TRHDE: variants seen among roughly 807,000 people sequenced by gnomAD.
TRHDE encodes thyrotropin-releasing hormone-degrading ectoenzyme.
In TRHDE, 72 loss-of-function variants were observed where a neutral mutation model predicts 125.7. The ratio of observed to expected loss-of-function variants is 0.57; its 90% CI spans 0.47 to 0.70. The LOEUF (loss-of-function observed/expected upper bound fraction) is 0.70. Ranked by LOEUF, TRHDE falls within the 30% of genes least tolerant of loss-of-function variation. The probability of loss-of-function intolerance (pLI) is 0.00; values close to 1 mark genes in which losing one functional copy is unlikely to be tolerated. For synonymous variants in TRHDE, 509 were observed against 509.1 expected, an observed-to-expected ratio of 1.00 and a Z score of 0.00; for missense variants, 1,110 against 1,327.1, an observed-to-expected ratio of 0.84 and a Z score of 2.54.
At chr12:72,610,927 C>T (rs1872610796) in intron 12 of TRHDE, 1 of 152,818 alleles carries the variant, frequency 6.5e-6, no homozygotes, top group East Asian at 1.9e-4. Context: ...AGGTAAAGAA[C>T]TGGACCAACC....
intron 10 of TRHDE, among the ~76,000 whole-genome samples, chr12:72,569,111 G>C (rs538820182): frequency 2.6e-4 from 39 of 152,210 alleles, no homozygotes; most frequent in African/African-American, 9.4e-4. Flanking sequence ...GCCAGAAGGT[G>C]GGGGGCTTGG....
intron 13 of TRHDE, among the ~76,000 whole-genome samples, 155 bp from the exon 14 acceptor site, chr12:72,620,948 TAAATA>T (rs1424936994): frequency 6.6e-6 from 1 of 152,096 alleles, no homozygotes; most frequent in Admixed American, 6.6e-5. Flanking sequence ...AATACTAAAT[TAAATA>T]AAATTATAAT....
At chr12:72,340,073 C>A (rs1467100344) in intron 2 of TRHDE, among the ~76,000 whole-genome samples, 3 of 152,196 alleles carry the variant, frequency 2.0e-5, no homozygotes, top group African/African-American at 7.2e-5. Context: ...CCAGTCCTAC[C>A]TTCCCCACTT....
At chr12:72,414,821 A>G (rs773145185) in intron 3 of TRHDE, among the ~76,000 whole-genome samples, 2 of 152,158 alleles carry the variant, frequency 1.3e-5, no homozygotes, top group Non-Finnish European at 2.9e-5. Context: ...CTCTTTACAT[A>G]CATTAAACCA....
chr12:72,140,585 A>T (rs1876089906), intron 2 of TRHDE: 1 of 152,164 alleles, frequency 6.6e-6, no homozygotes, highest in South Asian at 2.1e-4. Flanking sequence ...ATCTCTTCAA[A>T]TATTTTACAG....
intron 2 of TRHDE, among the ~76,000 whole-genome samples, chr12:72,252,011 T>C (rs1416920183): frequency 6.6e-6 from 1 of 152,236 alleles, no homozygotes; most frequent in South Asian, 2.1e-4. Context: ...CAACTGAGTA[T>C]TGAAAATTCT....
intron 6 of TRHDE, among the ~76,000 whole-genome samples, chr12:72,530,459 G>T (rs1868490517): frequency 3.0e-5 from 3 of 100,456 alleles, no homozygotes; most frequent in Non-Finnish European, 3.7e-5. Flanking sequence ...CAGCTCATTG[G>T]CCATTTCTTT....
intron 2 of TRHDE, among the ~76,000 whole-genome samples, chr12:72,249,809 T>C (rs548406478): frequency 2.0e-5 from 3 of 152,234 alleles, no homozygotes; most frequent in African/African-American, 7.2e-5. Flanking sequence ...CCAAGAGAAA[T>C]GAAAGCATAT....
At chr12:72,377,670 T>G (rs1871951895) in intron 2 of TRHDE, among the ~76,000 whole-genome samples, 1 of 152,166 alleles carries the variant, frequency 6.6e-6, no homozygotes, top group Non-Finnish European at 1.5e-5. Flanking sequence ...GGTCCCATTA[T>G]ACTAATCCAC....
At chr12:72,544,052 T>C (rs949911693) in intron 7 of TRHDE, among the ~76,000 whole-genome samples, 20 of 151,388 alleles carry the variant, frequency 1.3e-4, no homozygotes, top group African/African-American at 4.6e-4. Flanking sequence ...AGGTACTCTA[T>C]GTTTGTCAAC....
chr12:72,542,764 G>T (rs925106416), intron 7 of TRHDE, among the ~76,000 whole-genome samples: 2 of 150,946 alleles, frequency 1.3e-5, no homozygotes, highest in Admixed American at 1.3e-4. Context: ...GCGCCTTTTA[G>T]GTTTTTGTTA....
chr12:72,552,924 T>C (rs902561721), intron 7 of TRHDE, among the ~76,000 whole-genome samples: 1 of 152,122 alleles, frequency 6.6e-6, no homozygotes, highest in Admixed American at 6.5e-5. Flanking sequence ...GAGAAATAAC[T>C]CCAGGACCTT....
chr12:72,367,896 T>C (rs1307018770), intron 2 of TRHDE, among the ~76,000 whole-genome samples: 1 of 152,202 alleles, frequency 6.6e-6, no homozygotes, highest in Non-Finnish European at 1.5e-5. Context: ...AGCATAAAAT[T>C]TTCTCAGAGA....
rs1373085774 is a variant in TRHDE, at chr12:72,339,330, T to C, written c.1189-38665T>C. Among the ~76,000 whole-genome samples the C allele has an allele frequency of 3.3e-5, 5 of 152,338 alleles. No homozygotes were observed. The East Asian group carries it at 9.7e-4, about 29-fold the overall frequency. ...CCAATAATATTGACTAGTATTACTA[T>C]CTTCATCCACTGTTATCTCAACGAA... On this transcript the variant is annotated intron_variant, in intron 2 of 18. Coordinates refer to ENST00000261180, the MANE Select transcript of TRHDE (RefSeq NM_013381.3).
At chr12:72,370,747 A>ATT (rs879850160) in intron 2 of TRHDE, among the ~76,000 whole-genome samples, 1 of 144,448 alleles carries the variant, frequency 6.9e-6, no homozygotes, top group Admixed American at 7.0e-5. Flanking sequence ...TGTTAATGTT[A>ATT]TTTTTTTTTT....
chr12:72,632,913 C>A (rs917144747), intron 15 of TRHDE, among the ~76,000 whole-genome samples: 4 of 151,286 alleles, frequency 2.6e-5, no homozygotes, highest in African/African-American at 9.7e-5. Flanking sequence ...CCTTTTTGAC[C>A]TTTTCTTTTT....
At chr12:72,467,618 C>T (rs965210594) in intron 3 of TRHDE, among the ~76,000 whole-genome samples, 6 of 152,080 alleles carry the variant, frequency 3.9e-5, no homozygotes, top group African/African-American at 1.4e-4. Flanking sequence ...AGTTCAAGAC[C>T]AGCCTGGACA....
At position 72,562,159 on chromosome 12, in the gene TRHDE, T is replaced by G. The variant is rs1565790945; in HGVS notation, c.1789-6T>G. 2 of 1,410,000 alleles carry G rather than the reference T, an allele frequency of 1.4e-6. No individual in the cohort carries two copies. Among genetic ancestry groups the G allele is most frequent in the Non-Finnish European group, 2.0e-6 (2 of 1,004,394 alleles). 87.3% of individuals were successfully genotyped at this position (1,410,000 alleles called of 1,614,324 possible). A position where few individuals can be genotyped will look rare whatever the true frequency, so the allele number is the denominator to read the frequency against. On this transcript the variant is annotated splice_polypyrimidine_tract_variant and splice_region_variant and intron_variant, in intron 7 of 18. Coordinates refer to ENST00000261180, the MANE Select transcript of TRHDE (RefSeq NM_013381.3). ...GAATTACAATTACAATTTTATATTC[T>G]TGTAGGATTATTTAACCATTCATAA...
At chr12:72,479,957 C>A (rs1592477069) in intron 5 of TRHDE, among the ~76,000 whole-genome samples, 2 of 151,768 alleles carry the variant, frequency 1.3e-5, no homozygotes, top group African/African-American at 4.8e-5. Flanking sequence ...ATGATGATTT[C>A]CAATTTCATC....
Sources: gnomAD v4.1 joint callset for allele counts (sites outside exome capture counted in the v4.1 genomes callset) on GRCh38, gnomAD v4.1.1 for gene constraint, MANE v1.5 for transcripts, NCBI Gene and HGNC (gene_info 2026-07-23, HGNC 2026-07-21) for gene names.